The following ZNF624 variants were observed in gnomAD, a reference collection of about 807,000 sequenced individuals.
ZNF624 encodes zinc finger protein 624.
In ZNF624, 43 loss-of-function variants were observed where a neutral mutation model predicts 74.7. The ratio of observed to expected loss-of-function variants is 0.58; its 90% CI spans 0.45 to 0.74. The LOEUF is 0.74. Ranked by LOEUF, ZNF624 falls within the 30% of genes least tolerant of loss-of-function variation. The pLI, the probability that ZNF624 is intolerant of heterozygous loss-of-function variation, is 0.00. For missense variants in ZNF624, 820 were observed against 1,030.0 expected (o/e 0.80, Z 2.79); for synonymous variants, 331 against 341.3 (o/e 0.97, Z 0.33).
intron 5 of ZNF624, among the ~76,000 whole-genome samples, chr17:16,628,982 T>G (rs917639841): frequency 5.9e-5 from 9 of 151,966 alleles, no homozygotes; most frequent in Admixed American, 3.3e-4. Flanking sequence ...GCAGATCCCC[T>G]GAGGTCAGAG....
intron 3 of ZNF624, among the ~76,000 whole-genome samples, chr17:16,636,704 C>T (rs1182649346): frequency 2.6e-5 from 4 of 151,946 alleles, no homozygotes; most frequent in East Asian, 3.9e-4. Flanking sequence ...GGTGTGGTGG[C>T]GGGTGCCTGT....
At chr17:16,637,550 A>T (rs1209539416) in intron 3 of ZNF624, among the ~76,000 whole-genome samples, 1 of 152,238 alleles carries the variant, frequency 6.6e-6, no homozygotes, top group Non-Finnish European at 1.5e-5. Flanking sequence ...CAGAGCCCTC[A>T]GAAATAATGC....
downstream of ZNF624, chr17:16,617,692 G>T: frequency 6.2e-7 from 1 of 1,604,584 alleles, no homozygotes; most frequent in East Asian, 2.3e-5. Flanking sequence ...ACGATCACGC[G>T]CTCGCCGCAG....
intron 1 of ZNF624, among the ~76,000 whole-genome samples, chr17:16,651,770 C>T (rs1391458719): frequency 6.6e-6 from 1 of 152,018 alleles, no homozygotes; most frequent in Admixed American, 6.6e-5. Flanking sequence ...GGTCTCAAAT[C>T]TGAGAATGCA....
intron 4 of ZNF624, 140 bp from the exon 5 acceptor site, chr17:16,634,097 A>G (rs1292198464): frequency 7.4e-6 from 4 of 543,866 alleles, no homozygotes; most frequent in Non-Finnish European, 9.7e-6. Context: ...ACAGTTGCCA[A>G]TTGTCACATA....
At chr17:16,647,133 T>A (rs970817900) in intron 3 of ZNF624, among the ~76,000 whole-genome samples, 196 bp downstream of exon 3, 3 of 152,198 alleles carry the variant, frequency 2.0e-5, no homozygotes, top group African/African-American at 7.2e-5. Flanking sequence ...GTAATCACGA[T>A]GTGACTATCT....
At chr17:16,616,820 A>T (rs1677709911), downstream of ZNF624, 1 of 1,001,002 alleles carries the variant, frequency 1.0e-6, no homozygotes, top group Non-Finnish European at 1.5e-6. Flanking sequence ...GTTCCATAAT[A>T]GTGTGCAGAC....
chr17:16,639,383 C>T (rs759080548), intron 3 of ZNF624, among the ~76,000 whole-genome samples: 12 of 151,988 alleles, frequency 7.9e-5, no homozygotes, highest in Non-Finnish European at 1.3e-4. Context: ...TAAGACATGG[C>T]GAATGTAGGA....
Position 16,622,375 on chromosome 17 carries a change from TTTATAGGG to T in ZNF624, c.2503_2510del (p.Pro835MetfsTer2), listed in dbSNP as rs1908939159. 6.2e-7 allele frequency: 1 copy of T among 1,613,376 alleles called. No homozygotes were observed. Among genetic ancestry groups the T allele is most frequent in the African/African-American group, 1.3e-5 (1 of 74,826 alleles). The stretch of plus-strand genomic sequence containing the variant: ...TGAAGGCTTTTCCACATTCATTACA[TTTATAGGG>T]TTTTTCTCCAGTATGCATCCTCAAG... On this transcript the variant is annotated frameshift_variant, in exon 6 of 6. Coordinates refer to ENST00000311331, the MANE Select transcript of ZNF624 (RefSeq NM_020787.4). LOFTEE classifies it high-confidence loss of function.
intron 3 of ZNF624, among the ~76,000 whole-genome samples, chr17:16,645,330 G>A (rs566210641): frequency 2.6e-5 from 4 of 152,080 alleles, no homozygotes; most frequent in Non-Finnish European, 5.9e-5. Flanking sequence ...CGGTTACTGG[G>A]AGGCTTTTAA....
downstream of ZNF624, among the ~76,000 whole-genome samples, chr17:16,619,252 G>C (rs1336235109): frequency 6.6e-6 from 1 of 152,144 alleles, no homozygotes; most frequent in East Asian, 1.9e-4. Context: ...ACATAAAATA[G>C]TAGATATGTG....
intron 3 of ZNF624, 133 bp downstream of exon 3, chr17:16,647,196 C>G (rs890793078): frequency 1.3e-6 from 1 of 762,438 alleles, no homozygotes; most frequent in South Asian, 1.6e-5. Flanking sequence ...TAAATTGATG[C>G]CACCAGCCCT....
At chr17:16,634,581 C>G (rs775589507) in intron 4 of ZNF624, 49 bp downstream of exon 4, 52 of 1,574,122 alleles carry the variant, frequency 3.3e-5, no homozygotes, top group Non-Finnish European at 4.4e-5. Flanking sequence ...CTTTGGCAAA[C>G]CTGGTCAAAT....
chr17:16,620,195 CT>C (rs1236106351), downstream of ZNF624, among the ~76,000 whole-genome samples: 2 of 152,126 alleles, frequency 1.3e-5, no homozygotes, highest in African/African-American at 4.8e-5. Flanking sequence ...GATGTCAGGT[CT>C]TTGGTCTGTT....
downstream of ZNF624, among the ~76,000 whole-genome samples, chr17:16,620,387 T>G (rs1908879048): frequency 6.6e-6 from 1 of 152,230 alleles, no homozygotes; most frequent in Non-Finnish European, 1.5e-5. Context: ...TTACACGGCC[T>G]CTTCCATAAA....
intron 5 of ZNF624, among the ~76,000 whole-genome samples, chr17:16,628,272 A>G (rs1458019974): frequency 6.6e-6 from 1 of 151,936 alleles, no homozygotes; most frequent in Non-Finnish European, 1.5e-5. Context: ...GCCTCCCCCG[A>G]CCCCAAAAAA....
chr17:16,642,669 G>A (rs1055861786), intron 3 of ZNF624, among the ~76,000 whole-genome samples: 21 of 152,066 alleles, frequency 1.4e-4, no homozygotes, highest in African/African-American at 4.6e-4. Context: ...GAGATCATTA[G>A]GACTTCATTA....
rs145056266 is a variant in ZNF624 at position 16,652,575 on chromosome 17, A to G, written c.-3+1189T>C. ...TACAATAAATCCCTTGTTTTATTTT[A>G]TAATTAGAATAAACAATATTTAACA... On this transcript the variant is annotated intron_variant, in intron 1 of 5. Transcript: ENST00000311331. 3.6e-3 allele frequency among the ~76,000 whole-genome samples: 556 copies of G among 152,374 alleles called. 5 individuals carry two copies. Among genetic ancestry groups the G allele is most frequent in the South Asian group, 0.014 (66 of 4,832 alleles).
chr17:16,647,236 G>T, intron 3 of ZNF624, 93 bp downstream of exon 3: 1 of 1,089,520 alleles, frequency 9.2e-7, no homozygotes, highest in South Asian at 1.3e-5. Flanking sequence ...AATAATCATT[G>T]TGAACTTGCA....
Sources: allele counts gnomAD v4.1 joint callset (sites outside exome capture counted in the v4.1 genomes callset), GRCh38; gene constraint gnomAD v4.1.1; transcripts MANE v1.5; gene names NCBI Gene and HGNC (gene_info 2026-07-23, HGNC 2026-07-21).